SLC12A2: variants seen among roughly 807,000 people sequenced by gnomAD.
SLC12A2 encodes Na-K-2Cl cotransporter 1.
Under a neutral mutation model 136.3 loss-of-function variants are expected in SLC12A2, and 67 were observed. The ratio of observed to expected loss-of-function variants is 0.49; its 90% confidence interval spans 0.40 to 0.60. The LOEUF is 0.60. Among genes scored for constraint, SLC12A2 ranks in the 20% least tolerant of loss-of-function variants. The pLI is 0.00. For missense variants in SLC12A2, 1,322 were observed against 1,534.7 expected (o/e 0.86, Z 2.32); for synonymous variants, 619 against 562.9 (o/e 1.10, Z -1.41).
intron 1 of SLC12A2, chr5:128,111,002 C>G: frequency 2.8e-6 from 2 of 725,068 alleles, no homozygotes; most frequent in Admixed American, 3.9e-5. Context: ...CTCTGATATG[C>G]AAAATAACTT....
chr5:128,084,658 G>T lies in SLC12A2; in HGVS notation c.704G>T (p.Gly235Val), dbSNP rs1213908341. The change falls in exon 1 of 27, where the codon GGC becomes GTC. Residue 235 changes from glycine (G) to valine (V), a missense_variant. Physicochemically the swap from Gly to Val is moderately radical, Grantham distance 109. This residue lies in a region of SLC12A2 where 32 missense variants were observed against 63.6 expected (regional missense o/e 0.50). Coordinates refer to ENST00000262461, the MANE Select transcript of SLC12A2 (RefSeq NM_001046.3). The surrounding 1 kb of genome is among the most constrained non-coding windows in gnomAD (Gnocchi z 5.6). ...TACCGGCACACAGCCGCGCAGCTGG[G>T]CGAGAAGCTGCTCCGGCCTAGCCTG... ...DHYRHTAAQL[G>V]EKLLRPSLAE... 1 of 1,612,450 alleles carries T rather than the reference G, an allele frequency of 6.2e-7. No individual in the cohort carries two copies. Among genetic ancestry groups the T allele is most frequent in the Non-Finnish European group, 8.5e-7 (1 of 1,179,538 alleles).
At chr5:128,148,561 C>T (rs1287784815) in intron 11 of SLC12A2, among the ~76,000 whole-genome samples, 193 bp from the exon 12 acceptor site, 2 of 151,686 alleles carry the variant, frequency 1.3e-5, no homozygotes, top group Non-Finnish European at 3.0e-5. Flanking sequence ...GAAGTTTTGA[C>T]CAGTATCCTT....
chr5:128,167,716 T>C (rs777144319), intron 17 of SLC12A2, 45 bp from the exon 18 acceptor site: 17 of 1,359,192 alleles, frequency 1.3e-5, no homozygotes, highest in Non-Finnish European at 1.7e-5. Context: ...AAACATTTTG[T>C]TGAAAATAAT....
intron 4 of SLC12A2, among the ~76,000 whole-genome samples, chr5:128,127,905 T>C (rs897241750): frequency 6.6e-6 from 1 of 152,112 alleles, no homozygotes; most frequent in Non-Finnish European, 1.5e-5. Flanking sequence ...TTAGATTTTA[T>C]TTACTCTTTT....
intron 19 of SLC12A2, 158 bp downstream of exon 19, chr5:128,171,904 A>G: frequency 2.0e-6 from 1 of 496,384 alleles, no homozygotes. Flanking sequence ...TGGCTCCACT[A>G]AAGTTTGTGT....
chr5:128,125,320 T>C (rs2126687369), intron 4 of SLC12A2, among the ~76,000 whole-genome samples: 1 of 152,302 alleles, frequency 6.6e-6, no homozygotes, highest in Middle Eastern at 3.4e-3. Context: ...ACCAGGATTC[T>C]ATGAGGCCAC....
chr5:128,110,414 G>A (rs1445373280), intron 1 of SLC12A2: 3 of 1,057,406 alleles, frequency 2.8e-6, no homozygotes, highest in East Asian at 2.4e-5. Flanking sequence ...TCTTGAGAGG[G>A]CAAGACAGCC....
intron 16 of SLC12A2, among the ~76,000 whole-genome samples, 176 bp from the exon 17 acceptor site, chr5:128,161,484 A>G (rs752141710): frequency 2.0e-5 from 3 of 152,024 alleles, no homozygotes; most frequent in Non-Finnish European, 4.4e-5. Flanking sequence ...CATCACCTCT[A>G]CCTTTTTGTA....
At chr5:128,165,926 C>A (rs80029338) in intron 17 of SLC12A2, among the ~76,000 whole-genome samples, 13 of 143,908 alleles carry the variant, frequency 9.0e-5, no homozygotes, top group East Asian at 2.1e-4. Flanking sequence ...CCTCCCCCCC[C>A]CCCCCCCAGT....
At chr5:128,180,137 TTTTTTAGTA>T (rs1332646572) in intron 22 of SLC12A2, among the ~76,000 whole-genome samples, 4 of 151,360 alleles carry the variant, frequency 2.6e-5, no homozygotes, top group Admixed American at 2.0e-4. Flanking sequence ...GCCCAGCTAA[TTTTTTAGTA>T]TTTTTAGTAG....
intron 4 of SLC12A2, among the ~76,000 whole-genome samples, chr5:128,125,707 G>A (rs534826499): frequency 2.0e-4 from 30 of 151,774 alleles, no homozygotes; most frequent in Admixed American, 3.3e-4. Flanking sequence ...CTTTGTTCAT[G>A]GTAGAAATAT....
At position 128,110,333 on chromosome 5, in the gene SLC12A2, G is replaced by A; in HGVS notation, c.757-2481G>A. The A allele has an allele frequency of 9.8e-6, 9 of 917,586 alleles. No individual in the cohort carries two copies. In the South Asian group the frequency reaches 1.0e-4, roughly 11 times the overall value. 56.8% of individuals were successfully genotyped at this position (917,586 alleles called of 1,614,324 possible). A position where few individuals can be genotyped will look rare whatever the true frequency, so the allele number is the denominator to read the frequency against. On this transcript the variant is annotated intron_variant, in intron 1 of 26. Coordinates refer to ENST00000262461, the MANE Select transcript of SLC12A2 (RefSeq NM_001046.3). ...TGACTGTTTTAGAAACCATGGGCTGGGTAAGTCTGGATATGATGTCTGTGC... is the reference window on the plus strand; with the variant it reads ...TGACTGTTTTAGAAACCATGGGCTGAGTAAGTCTGGATATGATGTCTGTGC...
intron 2 of SLC12A2, among the ~76,000 whole-genome samples, chr5:128,113,926 ATCTT>A (rs1301962391): frequency 3.3e-5 from 5 of 152,154 alleles, no homozygotes; most frequent in African/African-American, 1.2e-4. Context: ...TATATCTTGT[ATCTT>A]TCTTGTTCTG....
At chr5:128,113,331 C>G (rs1353031866) in intron 2 of SLC12A2, among the ~76,000 whole-genome samples, 1 of 152,088 alleles carries the variant, frequency 6.6e-6, no homozygotes, top group Admixed American at 6.5e-5. Flanking sequence ...CTTTCACATT[C>G]CCCCCATTAT....
chr5:128,157,054 T>A (rs1370577306), intron 15 of SLC12A2, among the ~76,000 whole-genome samples: 1 of 152,186 alleles, frequency 6.6e-6, no homozygotes, highest in Non-Finnish European at 1.5e-5. Context: ...TCCAGCTCAT[T>A]TGCTAAAATT....
chr5:128,127,448 T>G (rs1382984334), intron 4 of SLC12A2, among the ~76,000 whole-genome samples: 1 of 152,090 alleles, frequency 6.6e-6, no homozygotes, highest in East Asian at 1.9e-4. Context: ...ATAATAACCT[T>G]ACTAGGTTTT....
At chr5:128,126,962 A>AATT (rs1554105151) in intron 4 of SLC12A2, among the ~76,000 whole-genome samples, 6 of 23,328 alleles carry the variant, frequency 2.6e-4, no homozygotes, top group African/African-American at 1.5e-3. Flanking sequence ...ATATATATAT[A>AATT]TATATTTTTT....
chr5:128,084,470 G>A lies in SLC12A2; in HGVS notation c.516G>A (p.Gln172=), dbSNP rs778035331. 5.6e-5 allele frequency: 90 copies of A among 1,606,292 alleles called. No homozygotes were observed. Among genetic ancestry groups the A allele is most frequent in the Non-Finnish European group, 7.5e-5 (88 of 1,177,862 alleles). ...TCGACGGGCCCAACGTGAGCTTCCA[G>A]AACGGCGGGGACACGGTGCTGAGCG... ...VGVDGPNVSF[Q]NGGDTVLSEG... The change falls in exon 1 of 27, where the codon CAG becomes CAA. Residue 172 remains glutamine (Q), a synonymous_variant. Coordinates refer to ENST00000262461, the MANE Select transcript of SLC12A2 (RefSeq NM_001046.3). The surrounding 1 kb of genome is among the most constrained non-coding windows in gnomAD (Gnocchi z 5.6).
chr5:128,142,248 G>A (rs1382576456), intron 10 of SLC12A2, among the ~76,000 whole-genome samples: 1 of 152,052 alleles, frequency 6.6e-6, no homozygotes, highest in African/African-American at 2.4e-5. Flanking sequence ...GACTATAGGC[G>A]CCAGCCACCA....
Sources: allele counts gnomAD v4.1 joint callset (sites outside exome capture counted in the v4.1 genomes callset), GRCh38; gene constraint gnomAD v4.1.1; regional missense constraint gnomAD v4.1.1; non-coding constraint Gnocchi (gnomAD v3.1); transcripts MANE v1.5; gene names NCBI Gene and HGNC (gene_info 2026-07-23, HGNC 2026-07-21).